The following PRRC1 variants were observed in gnomAD, a reference collection of about 807,000 sequenced individuals.
PRRC1 encodes proline rich coiled-coil 1.
A neutral mutation model predicts 40.7 loss-of-function variants in PRRC1; 39 were observed. That is an observed-to-expected ratio of 0.96 (90% CI 0.74 to 1.25). PRRC1 has a LOEUF of 1.25. Among genes scored for constraint, PRRC1 ranks in the 50% most tolerant of loss-of-function variants. PRRC1 has a pLI of 0.00. For synonymous variants in PRRC1, 175 were observed against 193.3 expected, an observed-to-expected ratio of 0.91 and a Z score of 0.79; for missense variants, 573 against 548.3, an observed-to-expected ratio of 1.05 and a Z score of -0.45.
At chr5:127,543,793 T>A (rs1342982821) in intron 7 of PRRC1, among the ~76,000 whole-genome samples, 6 of 152,204 alleles carry the variant, frequency 3.9e-5, no homozygotes, top group African/African-American at 7.2e-5. Context: ...TTTCAAAGTT[T>A]TCAACTTCTT....
chr5:127,540,167 AG>A (rs1199946829), intron 7 of PRRC1, among the ~76,000 whole-genome samples: 1 of 152,154 alleles, frequency 6.6e-6, no homozygotes, highest in Non-Finnish European at 1.5e-5. Context: ...TCTGAATTCT[AG>A]GTTGATAAGT....
chr5:127,539,190 G>C, intron 7 of PRRC1, 47 bp downstream of exon 7: 1 of 1,441,096 alleles, frequency 6.9e-7, no homozygotes, highest in Non-Finnish European at 9.8e-7. Context: ...ATTGGGTCTG[G>C]GAGTTGACAC....
At position 127,552,217 on chromosome 5, in the gene PRRC1, G is replaced by A. The variant is rs1768412184; in HGVS notation, c.*301G>A. 1 of 1,121,700 alleles carries A rather than the reference G, an allele frequency of 8.9e-7. No homozygotes were observed. Among genetic ancestry groups the A allele is most frequent in the Non-Finnish European group, 1.1e-6 (1 of 913,944 alleles). The allele number at this position is 1,121,700 out of a possible 1,614,324, so 69.5% of individuals were successfully genotyped here. A position where few individuals can be genotyped will look rare whatever the true frequency, so the allele number is the denominator to read the frequency against. ...TATAAGGTGGAAATTCATGTGCAGA[G>A]ACATTTAACTTAATGCCATGTACTT... On this transcript the variant is annotated 3_prime_UTR_variant, in exon 9 of 9. Transcript: ENST00000296666.
chr5:127,533,549 C>T, intron 5 of PRRC1, 74 bp from the exon 6 acceptor site: 2 of 1,215,208 alleles, frequency 1.6e-6, no homozygotes, highest in Non-Finnish European at 1.2e-6. Flanking sequence ...TAGATGTTAG[C>T]ACCTGGTATG....
chr5:127,530,285 T>G lies in PRRC1; in HGVS notation c.655-9T>G. 6.2e-7 allele frequency: 1 copy of G among 1,610,710 alleles called. No individual in the cohort carries two copies. The highest frequency in any genetic ancestry group is 8.5e-7 in the Non-Finnish European group (1 of 1,177,604). ...AGTGAATACTTACATATTGATTTGTTTTATGCAGGGTGTGGCTGGGAATCC... is the reference window on the plus strand; with the variant it reads ...AGTGAATACTTACATATTGATTTGTGTTATGCAGGGTGTGGCTGGGAATCC... On this transcript the variant is annotated splice_polypyrimidine_tract_variant and intron_variant, in intron 4 of 8. Coordinates refer to ENST00000296666, the MANE Select transcript of PRRC1 (RefSeq NM_130809.5).
In PRRC1 at chr5:127,551,859, T is replaced by C; in HGVS notation, c.1281T>C (p.Ser427=). 2 of 1,614,072 alleles carry C rather than the reference T, an allele frequency of 1.2e-6. No individual in the cohort carries two copies. The highest frequency in any genetic ancestry group is 1.7e-6 in the Non-Finnish European group (2 of 1,179,984). ...TGTCCCGTCGGCAGATGATCTACAG[T>C]GCAGCCAGAGCGATAGCGGGCATGT... The part of the protein sequence containing the change: ...TGMSRRQMIY[S]AARAIAGMYK... Residue 427 remains serine (S), a synonymous_variant, in exon 9 of 9, where the codon AGT becomes AGC. Coordinates refer to ENST00000296666, the MANE Select transcript of PRRC1 (RefSeq NM_130809.5).
Position 127,524,726 on chromosome 5 carries a change from C to G in PRRC1, c.299C>G (p.Ala100Gly), listed in dbSNP as rs1411797743. 3.1e-6 allele frequency: 5 copies of G among 1,614,138 alleles called. No individual in the cohort carries two copies. Among genetic ancestry groups the G allele is most frequent in the Non-Finnish European group, 4.2e-6 (5 of 1,180,002 alleles). ...CCTCCTGTTTCTCCATCAACTGCTG[C>G]TGCCTTCGGTAATCCTCCTGTATCT... ...MPPPVSPSTA[A>G]AFGNPPVSHF... Residue 100 changes from alanine to glycine, a missense_variant, in exon 3 of 9, where the codon GCT becomes GGT. Ala to Gly is a moderately conservative substitution (Grantham distance 60). Coordinates refer to ENST00000296666, the MANE Select transcript of PRRC1 (RefSeq NM_130809.5).
intron 7 of PRRC1, among the ~76,000 whole-genome samples, chr5:127,544,974 G>A (rs940722534): frequency 2.6e-5 from 4 of 152,192 alleles, no homozygotes; most frequent in Non-Finnish European, 4.4e-5. Flanking sequence ...CTTCTGCGTC[G>A]CTCACGCTGG....
chr5:127,532,430 T>C (rs977124298), intron 5 of PRRC1, among the ~76,000 whole-genome samples: 6 of 152,142 alleles, frequency 3.9e-5, no homozygotes, highest in African/African-American at 1.4e-4. Flanking sequence ...TTTACACAAA[T>C]ATTCTAGAAA....
chr5:127,543,201 C>T (rs1291250376), intron 7 of PRRC1, among the ~76,000 whole-genome samples: 2 of 152,124 alleles, frequency 1.3e-5, no homozygotes, highest in African/African-American at 4.8e-5. Flanking sequence ...AATATTGGCC[C>T]CCACTCTCTT....
intron 7 of PRRC1, among the ~76,000 whole-genome samples, chr5:127,544,842 C>G (rs1484199402): frequency 6.6e-6 from 1 of 152,216 alleles, no homozygotes; most frequent in African/African-American, 2.4e-5. Context: ...CCGAGTGAGG[C>G]AATGCCTCAC....
At position 127,547,836 on chromosome 5, in the gene PRRC1, G is replaced by T; in HGVS notation, c.1043G>T (p.Cys348Phe). 6.2e-7 allele frequency: 1 copy of T among 1,612,800 alleles called. No individual in the cohort carries two copies. The highest frequency in any genetic ancestry group is 8.5e-7 in the Non-Finnish European group (1 of 1,179,224). Residue 348 changes from cysteine to phenylalanine, a missense_variant, in exon 8 of 9, where the codon TGT (cysteine) becomes TTT (phenylalanine). Coordinates refer to ENST00000296666, the MANE Select transcript of PRRC1 (RefSeq NM_130809.5). ...TGTTGCAGATGGTTTGACATTGGTT[G>T]TTTGGTGGTTGAAGATCCTGTCCAT... ...LLPDKWFDIG[C>F]LVVEDPVHGI... is the part of the protein sequence containing the mutation.
intron 5 of PRRC1, among the ~76,000 whole-genome samples, chr5:127,532,678 A>T (rs951947615): frequency 6.6e-6 from 1 of 152,216 alleles, no homozygotes; most frequent in African/African-American, 2.4e-5. Context: ...TCTGTGAGAC[A>T]TTATGTCAGT....
At chr5:127,539,238 A>G in intron 7 of PRRC1, 95 bp downstream of exon 7, 1 of 839,756 alleles carries the variant, frequency 1.2e-6, no homozygotes. Flanking sequence ...TTTTATAACC[A>G]GAGAGAAAAG....
intron 6 of PRRC1, among the ~76,000 whole-genome samples, chr5:127,535,347 T>TG (rs950349017): frequency 2.0e-4 from 31 of 152,204 alleles, no homozygotes; most frequent in African/African-American, 7.2e-4. Context: ...GCACTACACT[T>TG]GGGGGCCATT....
At chr5:127,548,664 G>A (rs1050135108) in intron 8 of PRRC1, 1 of 151,856 alleles carries the variant, frequency 6.6e-6, no homozygotes, top group Non-Finnish European at 1.5e-5. Context: ...GGGACATGAA[G>A]ACATTTGAGA....
At chr5:127,520,557 T>C (rs1386048373) in intron 1 of PRRC1, among the ~76,000 whole-genome samples, 1 of 152,174 alleles carries the variant, frequency 6.6e-6, no homozygotes, top group Non-Finnish European at 1.5e-5. Flanking sequence ...AAAAGCCAAC[T>C]TCAAAAGGTT....
At chr5:127,549,920 T>A (rs1413750111) in intron 8 of PRRC1, 4 of 152,080 alleles carry the variant, frequency 2.6e-5, no homozygotes, top group Non-Finnish European at 4.4e-5. Context: ...AGGACAATTT[T>A]TATGTTGTTT....
At chr5:127,547,967 C>A in intron 8 of PRRC1, 46 bp downstream of exon 8, 1 of 1,174,078 alleles carries the variant, frequency 8.5e-7, no homozygotes, top group Non-Finnish European at 1.3e-6. Flanking sequence ...GAGAAACTTA[C>A]ACTATTGTTT....
Sources: gnomAD v4.1 joint callset for allele counts (sites outside exome capture counted in the v4.1 genomes callset) on GRCh38, gnomAD v4.1.1 for gene constraint, MANE v1.5 for transcripts, NCBI Gene and HGNC (gene_info 2026-07-23, HGNC 2026-07-21) for gene names.